The following RELCH variants were observed in gnomAD, a reference collection of about 807,000 sequenced individuals.
The protein encoded by RELCH is RAB11 binding and LisH domain, coiled-coil and HEAT repeat containing, also known as RAB11-binding protein RELCH.
A neutral mutation model predicts 150.3 loss-of-function variants in RELCH; 41 were observed. The observed-to-expected ratio is 0.27, with a 90% CI of 0.21 to 0.35. RELCH has a LOEUF of 0.35. Ranked by LOEUF, RELCH falls within the 10% of genes least tolerant of loss-of-function variation. The pLI, the probability that RELCH is intolerant of heterozygous loss-of-function variation, is 1.00. For missense variants in RELCH, 1,092 were observed against 1,467.8 expected (o/e 0.74, Z 4.18); for synonymous variants, 478 against 531.8 (o/e 0.90, Z 1.39).
intron 26 of RELCH, 84 bp downstream of exon 26, chr18:62,287,551 ACTT>A: frequency 1.3e-6 from 1 of 763,504 alleles, no homozygotes; most frequent in Non-Finnish European, 2.2e-6. Flanking sequence ...GAAAAGTAGA[ACTT>A]CTTTTCTTCA....
At chr18:62,204,048 C>T (rs1197907790) in intron 1 of RELCH, among the ~76,000 whole-genome samples, 4 of 151,968 alleles carry the variant, frequency 2.6e-5, no homozygotes, top group Non-Finnish European at 5.9e-5. Context: ...TCTTTACATA[C>T]TTATATATGG....
chr18:62,293,425 T>C (rs763512053), intron 27 of RELCH, among the ~76,000 whole-genome samples: 9 of 152,174 alleles, frequency 5.9e-5, no homozygotes, highest in Non-Finnish European at 8.8e-5. Context: ...TTGAGGCAGA[T>C]TCCTTCTTCA....
intron 19 of RELCH, 33 bp from the exon 20 acceptor site, chr18:62,268,830 ATATACT>A: frequency 9.2e-7 from 1 of 1,087,752 alleles, no homozygotes; most frequent in Non-Finnish European, 1.3e-6. Flanking sequence ...TACACTTAAA[ATATACT>A]TATGTTTTTT....
intron 15 of RELCH, among the ~76,000 whole-genome samples, chr18:62,259,374 C>T (rs1242783059): frequency 2.0e-5 from 3 of 151,300 alleles, no homozygotes; most frequent in African/African-American, 7.3e-5. Flanking sequence ...ATCAAGAAAG[C>T]AATCACATTT....
intron 1 of RELCH, among the ~76,000 whole-genome samples, chr18:62,188,348 T>C (rs1203576076): frequency 6.6e-6 from 1 of 152,228 alleles, no homozygotes; most frequent in South Asian, 2.1e-4. Flanking sequence ...TACTAGTTTA[T>C]TGCTTTAAGC....
Position 62,258,520 on chromosome 18 carries a change from A to G in RELCH, c.2046A>G (p.Glu682=), listed in dbSNP as rs1339905019. 2 of 1,605,040 alleles carry G rather than the reference A, an allele frequency of 1.2e-6. No individual in the cohort carries two copies. Among genetic ancestry groups the G allele is most frequent in the Non-Finnish European group, 1.7e-6 (2 of 1,176,898 alleles). The change falls in exon 15 of 29, where the codon GAA becomes GAG. Residue 682 remains glutamate (E), a synonymous_variant. Transcript: ENST00000644646. The stretch of plus-strand genomic sequence containing the variant: ...CTTTTTCTCATTGACAGGGTTTTGA[A>G]TTGTTGCTGTCAGCCTTGGGTGATC... ...DDPDKYHQGF[E]LLLSALGDPS...
At chr18:62,255,650 C>T (rs1344589914) in intron 13 of RELCH, among the ~76,000 whole-genome samples, 172 bp downstream of exon 13, 3 of 152,026 alleles carry the variant, frequency 2.0e-5, no homozygotes, top group African/African-American at 7.2e-5. Flanking sequence ...ATTGCAGACA[C>T]ATAGGTACAT....
chr18:62,193,403 G>C (rs948471887), intron 1 of RELCH, among the ~76,000 whole-genome samples: 1 of 152,118 alleles, frequency 6.6e-6, no homozygotes, highest in Non-Finnish European at 1.5e-5. Flanking sequence ...ATACCATGTT[G>C]AATAGGAGTG....
intron 28 of RELCH, chr18:62,299,908 A>G (rs2045590283): frequency 6.6e-6 from 1 of 152,198 alleles, no homozygotes; most frequent in African/African-American, 2.4e-5. Flanking sequence ...CAACATAACA[A>G]TAACAACTTA....
At position 62,288,338 on chromosome 18, in the gene RELCH, T is replaced by A. The variant is rs551136797; in HGVS notation, c.3370+871T>A. Reference sequence around the variant, plus strand: ...ATTATATGTGGTTCACATTGTTATATACCAGTCTGATGAGTTTGATGTAAT... The same window carrying A: ...ATTATATGTGGTTCACATTGTTATAAACCAGTCTGATGAGTTTGATGTAAT... On this transcript the variant is annotated intron_variant, in intron 26 of 28. Transcript: ENST00000644646. 3.6e-4 allele frequency among the ~76,000 whole-genome samples: 55 copies of A among 152,274 alleles called. 1 individual carries two copies. The South Asian group carries it at 9.5e-3, about 26-fold the overall frequency.
intron 28 of RELCH, among the ~76,000 whole-genome samples, chr18:62,302,670 G>A (rs553122604): frequency 5.3e-5 from 8 of 152,070 alleles, no homozygotes; most frequent in African/African-American, 1.7e-4. Context: ...GATTACAGGC[G>A]TGCACCATCA....
Position 62,308,593 on chromosome 18 carries a change from T to G in RELCH, c.*3059T>G, listed in dbSNP as rs1387919582. The G allele has an allele frequency of 1.3e-5, 2 of 152,154 alleles. No individual in the cohort carries two copies. Among genetic ancestry groups the G allele is most frequent in the Non-Finnish European group, 2.9e-5 (2 of 68,060 alleles). The allele number at this position is 152,154 out of a possible 1,614,324, so 9.4% of individuals were successfully genotyped here. A position where few individuals can be genotyped will look rare whatever the true frequency, so the allele number is the denominator to read the frequency against. On this transcript the variant is annotated 3_prime_UTR_variant, in exon 29 of 29. Transcript: ENST00000644646. ...TTAGCCAGGCGTGGTGACGTGGGCC[T>G]GTAATCCCTGCTACTCGGGAGGCTG...
chr18:62,222,886 G>T (rs377762455), intron 5 of RELCH, among the ~76,000 whole-genome samples: 1 of 150,774 alleles, frequency 6.6e-6, no homozygotes, highest in Admixed American at 6.6e-5. Flanking sequence ...TCCAAATAAC[G>T]CATGAGTTAA....
intron 25 of RELCH, among the ~76,000 whole-genome samples, chr18:62,283,025 A>G (rs1174969795): frequency 1.3e-5 from 2 of 152,244 alleles, no homozygotes; most frequent in Non-Finnish European, 2.9e-5. Context: ...GCTGTAAGAC[A>G]TATGAAGAGT....
At chr18:62,226,819 G>T (rs1455191758) in intron 5 of RELCH, among the ~76,000 whole-genome samples, 2 of 152,062 alleles carry the variant, frequency 1.3e-5, no homozygotes, top group South Asian at 2.1e-4. Flanking sequence ...TAAAATAAAT[G>T]TAAGAATGTT....
At chr18:62,243,134 G>A (rs1600037099) in intron 10 of RELCH, among the ~76,000 whole-genome samples, 1 of 152,028 alleles carries the variant, frequency 6.6e-6, no homozygotes, top group Non-Finnish European at 1.5e-5. Flanking sequence ...AGTATACCCT[G>A]ATGATGCAAT....
intron 11 of RELCH, among the ~76,000 whole-genome samples, chr18:62,252,253 C>T (rs1179526306): frequency 2.0e-5 from 3 of 151,678 alleles, no homozygotes; most frequent in African/African-American, 7.3e-5. Flanking sequence ...CCCGCCTCAG[C>T]CTCCCAAAGT....
chr18:62,205,311 C>T (rs2039706810), intron 1 of RELCH, among the ~76,000 whole-genome samples: 1 of 152,174 alleles, frequency 6.6e-6, no homozygotes, highest in Non-Finnish European at 1.5e-5. Flanking sequence ...GTAACCCAAA[C>T]TCATATTATA....
At chr18:62,287,889 A>G (rs1456745174) in intron 26 of RELCH, among the ~76,000 whole-genome samples, 2 of 152,158 alleles carry the variant, frequency 1.3e-5, no homozygotes, top group Non-Finnish European at 2.9e-5. Flanking sequence ...AGTATCTCTT[A>G]GAGAGATATC....
Sources: allele counts gnomAD v4.1 joint callset (sites outside exome capture counted in the v4.1 genomes callset), GRCh38; gene constraint gnomAD v4.1.1; transcripts MANE v1.5; gene names NCBI Gene and HGNC (gene_info 2026-07-23, HGNC 2026-07-21).